IL19: variants seen among roughly 807,000 people sequenced by gnomAD.
The protein encoded by IL19 is interleukin 19.
Under a neutral mutation model 19.5 loss-of-function variants are expected in IL19, and 15 were observed. The ratio of observed to expected loss-of-function variants is 0.77; its 90% CI spans 0.52 to 1.19. The LOEUF (loss-of-function observed/expected upper bound fraction) is 1.19. IL19 is among the 50% of genes most tolerant of loss of function. The probability of loss-of-function intolerance (pLI) is 0.00; values close to 1 mark genes in which losing one functional copy is unlikely to be tolerated. For synonymous variants in IL19, 78 were observed against 78.3 expected (o/e 1.00, Z 0.02); for missense variants, 199 against 213.1 (o/e 0.93, Z 0.41).
chr1:206,805,409 T>C (rs1357487048), intron 2 of IL19, among the ~76,000 whole-genome samples: 2 of 152,250 alleles, frequency 1.3e-5, no homozygotes, highest in Non-Finnish European at 2.9e-5. Flanking sequence ...TCATTCACTT[T>C]TTTCTGTTTA....
At chr1:206,841,133 G>A in intron 6 of IL19, 55 bp downstream of exon 6, 1 of 1,391,328 alleles carries the variant, frequency 7.2e-7, no homozygotes, top group Non-Finnish European at 1.0e-6. Flanking sequence ...GATCAGGAGG[G>A]TGCCAGGCCT....
At chr1:206,781,904 CATAT>C (rs1324440408) in intron 1 of IL19, among the ~76,000 whole-genome samples, 3 of 120,160 alleles carry the variant, frequency 2.5e-5, no homozygotes, top group South Asian at 4.8e-4. Flanking sequence ...GTTATATATA[CATAT>C]ATATGTATAT....
intron 2 of IL19, among the ~76,000 whole-genome samples, chr1:206,813,604 T>C (rs546798992): frequency 1.9e-3 from 292 of 152,348 alleles, no homozygotes; most frequent in African/African-American, 6.6e-3. Flanking sequence ...CTACTGTTTC[T>C]AATTTTTAAT....
intron 2 of IL19, among the ~76,000 whole-genome samples, chr1:206,813,855 C>T (rs1676079142): frequency 6.6e-6 from 1 of 152,072 alleles, no homozygotes. Context: ...GGTGGGCGGG[C>T]CTCATTCAAT....
intron 1 of IL19, among the ~76,000 whole-genome samples, chr1:206,786,662 G>A (rs1194568049): frequency 6.6e-6 from 1 of 152,080 alleles, no homozygotes; most frequent in Non-Finnish European, 1.5e-5. Flanking sequence ...GCAGTGGTGG[G>A]AAAATTGAGG....
chr1:206,776,909 CAAAAAAAAAAAA>C (rs1186364224), intron 1 of IL19, among the ~76,000 whole-genome samples: 92 of 50,470 alleles, frequency 1.8e-3, no homozygotes, highest in Non-Finnish European at 2.5e-3. Flanking sequence ...CTTGCAACTA[CAAAAAAAAAAAA>C]AAAAAAAAAA....
At chr1:206,823,181 C>T (rs778974893) in intron 2 of IL19, among the ~76,000 whole-genome samples, 4 of 151,988 alleles carry the variant, frequency 2.6e-5, no homozygotes, top group African/African-American at 7.2e-5. Context: ...CCACTAGCCT[C>T]GGCATCCCAA....
intron 1 of IL19, among the ~76,000 whole-genome samples, chr1:206,780,233 G>A (rs980485154): frequency 6.6e-6 from 1 of 152,084 alleles, no homozygotes; most frequent in Non-Finnish European, 1.5e-5. Context: ...ATTGACCTCT[G>A]TCTCTCCTGT....
chr1:206,825,993 G>T (rs1676426383), intron 2 of IL19, among the ~76,000 whole-genome samples: 2 of 152,194 alleles, frequency 1.3e-5, no homozygotes, highest in South Asian at 4.1e-4. Context: ...GGGCCATCTG[G>T]CCACTAACTG....
At chr1:206,822,918 C>A (rs1676323706) in intron 2 of IL19, among the ~76,000 whole-genome samples, 1 of 151,874 alleles carries the variant, frequency 6.6e-6, no homozygotes, top group South Asian at 2.1e-4. Flanking sequence ...CTGCATGGAT[C>A]CTTTCTTTTT....
chr1:206,810,048 C>T (rs10863861), intron 2 of IL19, among the ~76,000 whole-genome samples: 45,580 of 152,070 alleles, frequency 0.3, 7,064 homozygotes, highest in East Asian at 0.41. Context: ...GGATCTCACC[C>T]TTCTTTGGGG....
intron 2 of IL19, among the ~76,000 whole-genome samples, chr1:206,808,611 G>A (rs1347263573): frequency 1.3e-5 from 2 of 152,084 alleles, no homozygotes; most frequent in Non-Finnish European, 1.5e-5. Flanking sequence ...GGAGTGAGGT[G>A]GGAGGGTGAG....
At chr1:206,780,453 T>C (rs1675103401) in intron 1 of IL19, among the ~76,000 whole-genome samples, 3 of 152,248 alleles carry the variant, frequency 2.0e-5, no homozygotes, top group African/African-American at 7.2e-5. Flanking sequence ...AAGTAGAGAA[T>C]GGATTCATCT....
intron 2 of IL19, among the ~76,000 whole-genome samples, chr1:206,802,070 C>G (rs17016144): frequency 0.028 from 4,269 of 152,274 alleles, 195 homozygotes; most frequent in African/African-American, 0.097. Flanking sequence ...AGGGGGCTCC[C>G]AGCATGGTCC....
chr1:206,801,964 G>C (rs181031945), intron 2 of IL19, among the ~76,000 whole-genome samples: 1 of 152,314 alleles, frequency 6.6e-6, no homozygotes, highest in East Asian at 1.9e-4. Context: ...GGGACATTTG[G>C]GTGGAAGAAA....
intron 1 of IL19, among the ~76,000 whole-genome samples, chr1:206,795,286 T>C (rs896670701): frequency 3.9e-5 from 6 of 152,356 alleles, no homozygotes; most frequent in African/African-American, 1.2e-4. Flanking sequence ...AAGCCCACCT[T>C]CTTGAACATT....
chr1:206,805,852 C>T (rs1462625023), intron 2 of IL19, among the ~76,000 whole-genome samples: 1 of 152,178 alleles, frequency 6.6e-6, no homozygotes, highest in African/African-American at 2.4e-5. Context: ...GAGTCTGGAT[C>T]GTGTCAGGCT....
At chr1:206,775,216 AT>A (rs919307796) in intron 1 of IL19, among the ~76,000 whole-genome samples, 4 of 149,412 alleles carry the variant, frequency 2.7e-5, no homozygotes, top group Admixed American at 6.7e-5. Flanking sequence ...AAGTTTTTTT[AT>A]TTTTTTTTGT....
At chr1:206,800,784 T>G (rs1279513974) in intron 2 of IL19, among the ~76,000 whole-genome samples, 2 of 152,192 alleles carry the variant, frequency 1.3e-5, no homozygotes, top group Non-Finnish European at 2.9e-5. Context: ...ATGGGGAGAT[T>G]GGCCCTGGCC....
Sources: allele counts gnomAD v4.1 joint callset (sites outside exome capture counted in the v4.1 genomes callset), GRCh38; gene constraint gnomAD v4.1.1; transcripts MANE v1.5; gene names NCBI Gene and HGNC (gene_info 2026-07-23, HGNC 2026-07-21).